PHYHIP: variants seen among roughly 807,000 people sequenced by gnomAD.
The protein encoded by PHYHIP is phytanoyl-CoA hydroxylase-interacting protein.
A neutral mutation model predicts 26.1 loss-of-function variants in PHYHIP; 7 were observed. The ratio of observed to expected loss-of-function variants is 0.27; its 90% CI spans 0.15 to 0.50. The LOEUF is 0.50. Ranked by LOEUF, PHYHIP falls within the 20% of genes least tolerant of loss-of-function variation. The probability of loss-of-function intolerance (pLI) is 0.98; values close to 1 mark genes in which losing one functional copy is unlikely to be tolerated. For synonymous variants in PHYHIP, 206 were observed against 183.4 expected (o/e 1.12, Z -1.00); for missense variants, 232 against 454.7 (o/e 0.51, Z 4.45).
intron 2 of PHYHIP, among the ~76,000 whole-genome samples, chr8:22,227,953 C>A (rs1268839524): frequency 6.6e-6 from 1 of 152,246 alleles, no homozygotes; most frequent in African/African-American, 2.4e-5. Flanking sequence ...AAGCACCACG[C>A]AAACATGACT....
intron 2 of PHYHIP, among the ~76,000 whole-genome samples, chr8:22,227,943 A>G (rs528564705): frequency 9.2e-5 from 14 of 152,230 alleles, no homozygotes; most frequent in Admixed American, 6.5e-4. Flanking sequence ...GCGCCGGGCC[A>G]AGCACCACGC....
In PHYHIP at chr8:22,224,255, G is replaced by A. The variant is rs367933248; in HGVS notation, c.429C>T (p.Asn143=). The A allele has an allele frequency of 1.2e-6, 2 of 1,611,416 alleles. No homozygotes were observed. The highest frequency in any genetic ancestry group is 1.7e-6 in the Non-Finnish European group (2 of 1,177,876). The change falls in exon 4 of 5, where the codon AAC becomes AAT. Residue 143 remains asparagine (N), a synonymous_variant. Coordinates refer to ENST00000454243, the MANE Select transcript of PHYHIP (RefSeq NM_014759.5). ...RMLRFSVFYR[N]HHKEYFQHAR... ...CATGCTGGAAGTACTCCTTGTGATG[G>A]TTGCGGTAGAAGACGGAGAAGCGGA...
At chr8:22,224,976 A>C (rs1032694440) in intron 3 of PHYHIP, among the ~76,000 whole-genome samples, 1 of 152,182 alleles carries the variant, frequency 6.6e-6, no homozygotes, top group African/African-American at 2.4e-5. Flanking sequence ...TGGCACATAC[A>C]GCTCCTTGGT....
At chr8:22,228,041 G>A in intron 2 of PHYHIP, 152 bp downstream of exon 2, 2 of 658,914 alleles carry the variant, frequency 3.0e-6, no homozygotes, top group Non-Finnish European at 5.4e-6. Flanking sequence ...CAGGCTCAGA[G>A]AGGTCAAGTA....
At chr8:22,227,702 A>G (rs907514841) in intron 2 of PHYHIP, 1 of 456,530 alleles carries the variant, frequency 2.2e-6, no homozygotes, top group Non-Finnish European at 4.4e-6. Flanking sequence ...GCAGGCCAGC[A>G]GGTGAGGGGC....
chr8:22,229,301 AG>A (rs1202078465), intron 1 of PHYHIP, among the ~76,000 whole-genome samples: 1 of 152,144 alleles, frequency 6.6e-6, no homozygotes, highest in Non-Finnish European at 1.5e-5. Flanking sequence ...GTGGGGGTGG[AG>A]GGGCACATGT....
chr8:22,223,823 T>TAACTA, intron 4 of PHYHIP: 1 of 163,942 alleles, frequency 6.1e-6, no homozygotes, highest in Non-Finnish European at 1.3e-5. Flanking sequence ...ACCGACGAGC[T>TAACTA]GGGTGCTTCC....
At chr8:22,226,212 T>G (rs929354337) in intron 3 of PHYHIP, among the ~76,000 whole-genome samples, 2 of 152,158 alleles carry the variant, frequency 1.3e-5, no homozygotes, top group Admixed American at 6.5e-5. Flanking sequence ...AATAATTGAT[T>G]AAGCAAAATG....
At chr8:22,227,962 C>T (rs920613234) in intron 2 of PHYHIP, among the ~76,000 whole-genome samples, 2 of 152,276 alleles carry the variant, frequency 1.3e-5, no homozygotes, top group African/African-American at 4.8e-5. Flanking sequence ...GCAAACATGA[C>T]TCACTGCATC....
At chr8:22,225,586 G>A (rs142289234) in intron 3 of PHYHIP, among the ~76,000 whole-genome samples, 1 of 148,998 alleles carries the variant, frequency 6.7e-6, no homozygotes, top group African/African-American at 2.5e-5. Context: ...CCTGAGGTCA[G>A]GAGTTCAAGA....
rs1829639709 is a variant in PHYHIP at position 22,221,967 on chromosome 8, G to A, written c.459-80C>T. On this transcript the variant is annotated intron_variant, in intron 4 of 4. Coordinates refer to ENST00000454243, the MANE Select transcript of PHYHIP (RefSeq NM_014759.5). The surrounding 1 kb of genome is among the most constrained non-coding windows in gnomAD (Gnocchi z 7.9). The stretch of plus-strand genomic sequence containing the variant: ...GGGCTGAGGCTTGGCTGCTGCGTGT[G>A]GTCGAGGAGGGAGGAAGCCAGCCCA... 1.6e-6 allele frequency: 2 copies of A among 1,267,588 alleles called. No homozygotes were observed. The allele number at this position is 1,267,588 out of a possible 1,614,324, so 78.5% of individuals were successfully genotyped here. A position where few individuals can be genotyped will look rare whatever the true frequency, so the allele number is the denominator to read the frequency against.
At chr8:22,227,116 G>A (rs1231297109) in intron 2 of PHYHIP, 91 bp from the exon 3 acceptor site, 2 of 1,173,828 alleles carry the variant, frequency 1.7e-6, no homozygotes, top group Non-Finnish European at 2.4e-6. Flanking sequence ...CTCCCCAGAT[G>A]GCCCTGTTTC....
Position 22,228,182 on chromosome 8 carries a change from C to CT in PHYHIP, c.165+10dup. On this transcript the variant is annotated intron_variant, in intron 2 of 4. Coordinates refer to ENST00000454243, the MANE Select transcript of PHYHIP (RefSeq NM_014759.5). ...AGCTGGGGAGGGGCTCCCAGGACAC[C>CT]TTCTACTCACCCGGTGCTTGAACTT... 6.2e-7 allele frequency: 1 copy of CT among 1,613,276 alleles called. No homozygotes were observed. Among genetic ancestry groups the CT allele is most frequent in the Non-Finnish European group, 8.5e-7 (1 of 1,179,292 alleles).
At chr8:22,228,526 G>A (rs1829798646) in intron 1 of PHYHIP, 140 bp from the exon 2 acceptor site, 2 of 583,492 alleles carry the variant, frequency 3.4e-6, no homozygotes. Context: ...GGGAAAGACT[G>A]TACAGGGGAG....
At chr8:22,224,450 G>T in intron 3 of PHYHIP, 107 bp from the exon 4 acceptor site, 1 of 698,070 alleles carries the variant, frequency 1.4e-6, no homozygotes, top group Non-Finnish European at 2.6e-6. Context: ...ACCTCTGTCC[G>T]CCAGAGCAGC....
chr8:22,226,946 G>A lies in PHYHIP; in HGVS notation c.245C>T (p.Thr82Met), dbSNP rs370719030. ...VRGHWFLSPR[T>M]EYSVAVQTAV... ...CGTCTGCACGGCCACACTGTACTCCGTGCGGGGGCTCAGGAACCAGTGGCC... is the reference window on the plus strand; with the variant it reads ...CGTCTGCACGGCCACACTGTACTCCATGCGGGGGCTCAGGAACCAGTGGCC... Residue 82 changes from threonine (T) to methionine (M), a missense_variant, in exon 3 of 5, where the codon ACG (threonine) becomes ATG (methionine). Coordinates refer to ENST00000454243, the MANE Select transcript of PHYHIP (RefSeq NM_014759.5). 5 of 1,613,956 alleles carry A rather than the reference G, an allele frequency of 3.1e-6. No homozygotes were observed. Among genetic ancestry groups the A allele is most frequent in the South Asian group, 1.1e-5 (1 of 91,090 alleles).
intron 1 of PHYHIP, 104 bp from the exon 2 acceptor site, chr8:22,228,490 G>A: frequency 3.1e-6 from 2 of 641,090 alleles, no homozygotes; most frequent in East Asian, 5.5e-5. Context: ...AGGACCCCTG[G>A]AATCCACATG....
intron 3 of PHYHIP, among the ~76,000 whole-genome samples, chr8:22,226,513 C>T (rs1486273935): frequency 1.3e-5 from 2 of 152,154 alleles, no homozygotes; most frequent in Non-Finnish European, 2.9e-5. Flanking sequence ...ATGGTCGAGA[C>T]GGCAAATTTT....
rs752904832 is a variant in PHYHIP at position 22,230,238 on chromosome 8, C to G, written c.-30+1558G>C. On this transcript the variant is annotated intron_variant, in intron 1 of 4. Coordinates refer to ENST00000454243, the MANE Select transcript of PHYHIP (RefSeq NM_014759.5). ...ACGCACACACACACACGAACACAGA[C>G]ACACTCCTACCCAAGAGGCCCTGAG... Among the ~76,000 whole-genome samples, 295 of 152,130 alleles carry G rather than the reference C, an allele frequency of 1.9e-3. 1 individual carries two copies. The highest frequency in any genetic ancestry group is 3.2e-3 in the Non-Finnish European group (217 of 67,966).
Sources: gnomAD v4.1 joint callset for allele counts (sites outside exome capture counted in the v4.1 genomes callset) on GRCh38, gnomAD v4.1.1 for gene constraint, Gnocchi (gnomAD v3.1) non-coding constraint, MANE v1.5 for transcripts, NCBI Gene and HGNC (gene_info 2026-07-23, HGNC 2026-07-21) for gene names.